Variants in ATP9B observed in about 807,000 individuals in gnomAD.
ATP9B encodes probable phospholipid-transporting ATPase IIB.
A neutral mutation model predicts 146.1 loss-of-function variants in ATP9B; 110 were observed. The ratio of observed to expected loss-of-function variants is 0.75; its 90% CI spans 0.65 to 0.88. The LOEUF (loss-of-function observed/expected upper bound fraction) is 0.88. ATP9B is among the 40% of genes least tolerant of loss of function. The pLI, the probability that ATP9B is intolerant of heterozygous loss-of-function variation, is 0.00. For synonymous variants in ATP9B, 604 were observed against 569.7 expected, an observed-to-expected ratio of 1.06 and a Z score of -0.86; for missense variants, 1,499 against 1,496.4, an observed-to-expected ratio of 1.00 and a Z score of -0.03.
At chr18:79,103,146 A>T (rs2075400676) in intron 2 of ATP9B, among the ~76,000 whole-genome samples, 1 of 152,162 alleles carries the variant, frequency 6.6e-6, no homozygotes, top group Non-Finnish European at 1.5e-5. Context: ...TGCAGTAGCG[A>T]GAAGGGTCAC....
At chr18:79,079,452 GAA>G (rs2073007652) in intron 1 of ATP9B, among the ~76,000 whole-genome samples, 1 of 152,158 alleles carries the variant, frequency 6.6e-6, no homozygotes, top group Non-Finnish European at 1.5e-5. Flanking sequence ...GTCTTCATTT[GAA>G]AAGTGTCTGT....
chr18:79,332,236 T>A (rs1014543451), intron 17 of ATP9B, among the ~76,000 whole-genome samples: 7 of 152,158 alleles, frequency 4.6e-5, no homozygotes, highest in East Asian at 1.9e-4. Flanking sequence ...GAGACCCTCC[T>A]GGCTAACACG....
At chr18:79,295,172 A>T (rs1328198964) in intron 13 of ATP9B, among the ~76,000 whole-genome samples, 2 of 152,164 alleles carry the variant, frequency 1.3e-5, no homozygotes, top group Admixed American at 1.3e-4. Flanking sequence ...TCTAGTGTGT[A>T]TTCCGCATGT....
intron 6 of ATP9B, among the ~76,000 whole-genome samples, chr18:79,149,442 A>T (rs2094647155): frequency 6.6e-6 from 1 of 152,184 alleles, no homozygotes; most frequent in African/African-American, 2.4e-5. Context: ...AAGATCATGG[A>T]CTTAATGTAA....
At chr18:79,280,621 G>A (rs1000111739) in intron 13 of ATP9B, among the ~76,000 whole-genome samples, 2 of 152,104 alleles carry the variant, frequency 1.3e-5, no homozygotes, top group African/African-American at 2.4e-5. Flanking sequence ...GATTTGAATA[G>A]CATAATTGTC....
At position 79,377,365 on chromosome 18, in the gene ATP9B, C is replaced by G; in HGVS notation, c.3426C>G (p.Tyr1142Ter). ...GGCGCAAGCTCTCTCCTCCCAGCTA[C>G]TGCAAGCTGGCCTCCTAAGGGGCTG... ...YLRRKLSPPS[Y>*]CKLAS The change falls in exon 30 of 30, where the codon TAC (tyrosine) becomes TAG (stop). Residue 1142 changes from tyrosine (Y) to a stop codon, truncating the protein, a stop_gained. Coordinates refer to ENST00000426216, the MANE Select transcript of ATP9B (RefSeq NM_198531.5). LOFTEE classifies it high-confidence loss of function. The G allele has an allele frequency of 6.2e-7, 1 of 1,609,416 alleles. No individual in the cohort carries two copies. The highest frequency in any genetic ancestry group is 1.1e-5 in the South Asian group (1 of 91,090).
intron 13 of ATP9B, among the ~76,000 whole-genome samples, chr18:79,281,792 G>C (rs2096379812): frequency 6.6e-6 from 1 of 152,226 alleles, no homozygotes; most frequent in Non-Finnish European, 1.5e-5. Context: ...GGGAGGCCAA[G>C]GCAGGCGGAT....
chr18:79,139,499 C>G (rs1376143137), intron 5 of ATP9B, among the ~76,000 whole-genome samples: 1 of 152,160 alleles, frequency 6.6e-6, no homozygotes, highest in African/African-American at 2.4e-5. Flanking sequence ...CTTGTTTTCC[C>G]CAAAGTGGCT....
At chr18:79,194,406 A>G (rs2095399080) in intron 9 of ATP9B, 1 of 152,168 alleles carries the variant, frequency 6.6e-6, no homozygotes, top group South Asian at 2.1e-4. Flanking sequence ...TCGCTAGACA[A>G]TGTGTGGAAG....
intron 1 of ATP9B, 106 bp downstream of exon 1, chr18:79,069,635 C>G (rs1204086196): frequency 2.9e-6 from 2 of 680,748 alleles, no homozygotes; most frequent in Non-Finnish European, 4.2e-6. Flanking sequence ...ACCGGCGCGC[C>G]CCATCTGTTC....
At position 79,251,238 on chromosome 18, in the gene ATP9B, G is replaced by A. The variant is rs546600065; in HGVS notation, c.1108-2143G>A. On this transcript the variant is annotated intron_variant, in intron 11 of 29. Transcript: ENST00000426216. ...GGGCCGCCCCACCCCGCTGAATGCG[G>A]CATCCCGTCTGTGTTGGTCATGGAA... 6.6e-5 allele frequency among the ~76,000 whole-genome samples: 10 copies of A among 152,340 alleles called. No homozygotes were observed. The South Asian group carries it at 1.9e-3, about 28-fold the overall frequency.
intron 25 of ATP9B, among the ~76,000 whole-genome samples, chr18:79,349,324 T>C (rs2096909359): frequency 6.7e-6 from 1 of 148,622 alleles, no homozygotes; most frequent in Non-Finnish European, 1.5e-5. Context: ...CTGGCTTCGA[T>C]GCTCTTGGCG....
chr18:79,329,893 C>CTTA (rs1298210643), intron 16 of ATP9B, 119 bp from the exon 17 acceptor site: 2 of 879,672 alleles, frequency 2.3e-6, no homozygotes, highest in African/African-American at 3.3e-5. Flanking sequence ...AGGAGCTTAA[C>CTTA]ACACAGGAAC....
In ATP9B at chr18:79,113,008, A is replaced by C. The variant is rs1416475209; in HGVS notation, c.445-233A>C. Among the ~76,000 whole-genome samples the C allele has an allele frequency of 2.6e-5, 4 of 152,266 alleles. No homozygotes were observed. The East Asian group carries it at 7.7e-4, about 29-fold the overall frequency. ...ACATTTTTAACAATTGAACGTCCTA[A>C]TTGTCTTATTTTCAGTTTATTTAAA... On this transcript the variant is annotated intron_variant, in intron 3 of 29. Coordinates refer to ENST00000426216, the MANE Select transcript of ATP9B (RefSeq NM_198531.5).
intron 7 of ATP9B, among the ~76,000 whole-genome samples, chr18:79,167,289 T>C (rs1338246457): frequency 6.6e-6 from 1 of 152,164 alleles, no homozygotes. Flanking sequence ...ACAAGGTATA[T>C]GGACAACTAG....
At chr18:79,220,758 A>G (rs908001628) in intron 11 of ATP9B, among the ~76,000 whole-genome samples, 8 of 151,736 alleles carry the variant, frequency 5.3e-5, no homozygotes, top group South Asian at 2.1e-4. Flanking sequence ...TCTCTTATGT[A>G]AATTCAATTT....
chr18:79,262,483 A>G (rs2096153338), intron 12 of ATP9B, among the ~76,000 whole-genome samples: 1 of 152,154 alleles, frequency 6.6e-6, no homozygotes, highest in Non-Finnish European at 1.5e-5. Context: ...TGATAGAAAA[A>G]GGGCATAGTT....
At chr18:79,169,215 G>A (rs555605800) in intron 7 of ATP9B, among the ~76,000 whole-genome samples, 2 of 152,208 alleles carry the variant, frequency 1.3e-5, no homozygotes, top group South Asian at 2.1e-4. Context: ...AGTTTTCTTG[G>A]TGATTTCTGA....
intron 4 of ATP9B, among the ~76,000 whole-genome samples, chr18:79,122,367 G>A (rs573776528): frequency 6.6e-6 from 1 of 152,204 alleles, no homozygotes; most frequent in East Asian, 1.9e-4. Flanking sequence ...ATTCAAAGAT[G>A]CATATTTTTC....
Sources: allele counts gnomAD v4.1 joint callset (sites outside exome capture counted in the v4.1 genomes callset), GRCh38; gene constraint gnomAD v4.1.1; transcripts MANE v1.5; gene names NCBI Gene and HGNC (gene_info 2026-07-23, HGNC 2026-07-21).